Variants in STK32B observed in about 807,000 individuals in gnomAD.
STK32B encodes serine/threonine kinase 32B.
In STK32B, 43 loss-of-function variants were observed where a neutral mutation model predicts 52.6. That is an observed-to-expected ratio of 0.82 (90% confidence interval 0.64 to 1.05). The LOEUF is 1.05. STK32B is among the 50% of genes least tolerant of loss of function. STK32B has a pLI of 0.00. For synonymous variants in STK32B, 238 were observed against 204.3 expected, an observed-to-expected ratio of 1.17 and a Z score of -1.41; for missense variants, 621 against 534.6, an observed-to-expected ratio of 1.16 and a Z score of -1.59.
chr4:5,250,142 TTATCCAGTCTGC>T (rs1379584651), intron 3 of STK32B, among the ~76,000 whole-genome samples: 1 of 152,148 alleles, frequency 6.6e-6, no homozygotes, highest in East Asian at 1.9e-4. Context: ...CATATTTTCT[TTATCCAGTCTGC>T]TATTGATGGA....
chr4:5,186,018 C>T (rs946226022), intron 3 of STK32B, among the ~76,000 whole-genome samples: 4 of 152,214 alleles, frequency 2.6e-5, no homozygotes, highest in Non-Finnish European at 4.4e-5. Flanking sequence ...GTCTGTTCTT[C>T]GGTCACTGCG....
intron 4 of STK32B, among the ~76,000 whole-genome samples, chr4:5,334,687 G>T (rs1332939220): frequency 3.3e-5 from 5 of 149,978 alleles, no homozygotes; most frequent in Non-Finnish European, 5.9e-5. Context: ...TTAGCCTGAA[G>T]GGTTGTTGAA....
At chr4:5,092,149 G>C (rs962625955) in intron 1 of STK32B, among the ~76,000 whole-genome samples, 4 of 152,230 alleles carry the variant, frequency 2.6e-5, no homozygotes, top group African/African-American at 7.2e-5. Context: ...GAATTAAATA[G>C]AGGTATGGTT....
chr4:5,182,079 C>A (rs890825130), intron 3 of STK32B, among the ~76,000 whole-genome samples: 1 of 152,200 alleles, frequency 6.6e-6, no homozygotes, highest in African/African-American at 2.4e-5. Flanking sequence ...TATGGAGCAG[C>A]TTCCATCTTC....
intron 3 of STK32B, among the ~76,000 whole-genome samples, chr4:5,257,028 T>G (rs1229088209): frequency 6.6e-6 from 1 of 151,830 alleles, no homozygotes; most frequent in African/African-American, 2.4e-5. Context: ...AGTGAATGAG[T>G]GGATGAATAA....
chr4:5,445,424 A>G (rs1715307554), intron 6 of STK32B, among the ~76,000 whole-genome samples: 1 of 152,142 alleles, frequency 6.6e-6, no homozygotes, highest in East Asian at 1.9e-4. Flanking sequence ...CTGCAAATTA[A>G]TTTACTAGAA....
At chr4:5,219,973 T>G (rs1000164064) in intron 3 of STK32B, among the ~76,000 whole-genome samples, 1 of 152,174 alleles carries the variant, frequency 6.6e-6, no homozygotes, top group African/African-American at 2.4e-5. Context: ...AGGATGGGAA[T>G]GAACCCAAGT....
chr4:5,490,785 C>G (rs1046486192), intron 11 of STK32B, among the ~76,000 whole-genome samples: 4 of 152,084 alleles, frequency 2.6e-5, no homozygotes, highest in Non-Finnish European at 5.9e-5. Flanking sequence ...CATGTGTTCT[C>G]ATTGTTCAAT....
At chr4:5,454,900 C>T (rs1312234478) in intron 7 of STK32B, among the ~76,000 whole-genome samples, 1 of 152,116 alleles carries the variant, frequency 6.6e-6, no homozygotes, top group Non-Finnish European at 1.5e-5. Flanking sequence ...ATGGAAGTAA[C>T]TTTCCCATTA....
chr4:5,077,921 A>G (rs1462013693), intron 1 of STK32B, among the ~76,000 whole-genome samples: 1 of 152,204 alleles, frequency 6.6e-6, no homozygotes, highest in Non-Finnish European at 1.5e-5. Context: ...TTTCTTGTGT[A>G]ATTAACAAGA....
intron 11 of STK32B, among the ~76,000 whole-genome samples, chr4:5,468,764 T>C (rs1717629890): frequency 6.6e-6 from 1 of 152,078 alleles, no homozygotes; most frequent in Admixed American, 6.5e-5. Flanking sequence ...TTCCAGCCAA[T>C]GATAATATCT....
At chr4:5,446,555 T>C (rs1400224223) in intron 6 of STK32B, 118 bp from the exon 7 acceptor site, 10 of 854,942 alleles carry the variant, frequency 1.2e-5, no homozygotes, top group Admixed American at 1.1e-4. Flanking sequence ...AAACTCTATC[T>C]CAAAAAAAAA....
Position 5,174,441 on chromosome 4 carries a change from G to A in STK32B, c.260+5991G>A, listed in dbSNP as rs188044114. On this transcript the variant is annotated intron_variant, in intron 3 of 11. Transcript: ENST00000282908. Reference sequence around the variant, plus strand: ...GCATGTTTTTGCAGTGGCTGATACCGGTTGTTCTTTTCCATGTTTAGTGCT... The same window carrying A: ...GCATGTTTTTGCAGTGGCTGATACCAGTTGTTCTTTTCCATGTTTAGTGCT... 7.6e-3 allele frequency among the ~76,000 whole-genome samples: 1,157 copies of A among 151,508 alleles called. 16 individuals carry two copies. Among genetic ancestry groups the A allele is most frequent in the African/African-American group, 0.025 (1,050 of 41,180 alleles).
At chr4:5,158,508 C>T (rs754240156) in intron 2 of STK32B, among the ~76,000 whole-genome samples, 2 of 152,106 alleles carry the variant, frequency 1.3e-5, no homozygotes, top group Non-Finnish European at 2.9e-5. Context: ...CTTATTCATT[C>T]GTTCGTAATT....
intron 4 of STK32B, among the ~76,000 whole-genome samples, chr4:5,379,482 C>T (rs1735794947): frequency 1.3e-5 from 2 of 152,178 alleles, no homozygotes; most frequent in South Asian, 2.1e-4. Flanking sequence ...ACATAAAAGT[C>T]CTGTGAGAGA....
At chr4:5,048,548 T>G (rs968243568), upstream of STK32B, among the ~76,000 whole-genome samples, 7 of 152,122 alleles carry the variant, frequency 4.6e-5, no homozygotes, top group African/African-American at 1.4e-4. Context: ...CCACCCACCT[T>G]GGCCTCCCAA....
In STK32B at chr4:5,191,777, CAAA is replaced by C. The variant is rs1212682088; in HGVS notation, c.260+23332_260+23334del. Among the ~76,000 whole-genome samples the C allele has an allele frequency of 2.0e-5, 3 of 151,974 alleles. No individual in the cohort carries two copies. The East Asian group carries it at 5.8e-4, about 29-fold the overall frequency. On this transcript the variant is annotated intron_variant, in intron 3 of 11. Transcript: ENST00000282908. The stretch of plus-strand genomic sequence containing the variant: ...GATCACTCAGACTATGTGATCAAAT[CAAA>C]AAAAGAATTACGGGCTTAACAAAAT...
chr4:5,056,398 C>T lies in STK32B; in HGVS notation c.52+4483C>T, dbSNP rs531211826. ...TGCATAGTTTATTCACTTCTGTATC[C>T]TTAAGGCCTAAAATAACACCTGTAA... On this transcript the variant is annotated intron_variant, in intron 1 of 11. Coordinates refer to ENST00000282908, the MANE Select transcript of STK32B (RefSeq NM_018401.3). Among the ~76,000 whole-genome samples, 45 of 152,272 alleles carry T rather than the reference C, an allele frequency of 3.0e-4. 1 individual carries two copies. In the South Asian group the frequency reaches 8.9e-3, roughly 30 times the overall value.
chr4:5,182,039 A>G (rs1301333087), intron 3 of STK32B, among the ~76,000 whole-genome samples: 1 of 152,234 alleles, frequency 6.6e-6, no homozygotes, highest in East Asian at 1.9e-4. Context: ...ATCCTTTGTT[A>G]TTGATTCAGA....
Sources: gnomAD v4.1 joint callset for allele counts (sites outside exome capture counted in the v4.1 genomes callset) on GRCh38, gnomAD v4.1.1 for gene constraint, MANE v1.5 for transcripts, NCBI Gene and HGNC (gene_info 2026-07-23, HGNC 2026-07-21) for gene names.